The following TRDN variants were observed in gnomAD, a reference collection of about 807,000 sequenced individuals.
TRDN encodes the protein triadin in skeletal muscle.
TRDN carries 161 observed loss-of-function variants against 149.7 expected under a neutral mutation model. The observed-to-expected ratio is 1.08, with a 90% CI of 0.95 to 1.23. The LOEUF (loss-of-function observed/expected upper bound fraction) is 1.23, where lower values mean the gene tolerates loss of function less well. Ranked by LOEUF, TRDN falls within the 50% of genes most tolerant of loss-of-function variation. The pLI, the probability that TRDN is intolerant of heterozygous loss-of-function variation, is 0.00. For synonymous variants in TRDN, 294 were observed against 250.5 expected (o/e 1.17, Z -1.64); for missense variants, 896 against 823.5 (o/e 1.09, Z -1.08).
chr6:123,466,128 T>A (rs138851069), intron 9 of TRDN, among the ~76,000 whole-genome samples: 1 of 152,308 alleles, frequency 6.6e-6, no homozygotes, highest in East Asian at 1.9e-4. Flanking sequence ...ACAGGCCGTA[T>A]GTCTAGAAAA....
chr6:123,391,907 A>G (rs918303144), intron 13 of TRDN, among the ~76,000 whole-genome samples: 2 of 152,102 alleles, frequency 1.3e-5, no homozygotes, highest in African/African-American at 4.8e-5. Flanking sequence ...TTAATTATTT[A>G]TATGCATAAT....
chr6:123,274,158 T>A (rs966337292), intron 27 of TRDN, among the ~76,000 whole-genome samples: 1 of 152,124 alleles, frequency 6.6e-6, no homozygotes, highest in East Asian at 1.9e-4. Context: ...CTGTTTCTCA[T>A]AATGATATGA....
At chr6:123,583,507 C>T (rs548749233) in intron 1 of TRDN, among the ~76,000 whole-genome samples, 1 of 151,358 alleles carries the variant, frequency 6.6e-6, no homozygotes, top group Non-Finnish European at 1.5e-5. Context: ...TTTTAAAAGA[C>T]CTTTAGTCTG....
chr6:123,233,771 T>A (rs1357800862), intron 38 of TRDN, among the ~76,000 whole-genome samples: 1 of 152,092 alleles, frequency 6.6e-6, no homozygotes, highest in African/African-American at 2.4e-5. Flanking sequence ...GAGATTGTTT[T>A]AAATCCAAGC....
intron 2 of TRDN, among the ~76,000 whole-genome samples, chr6:123,555,981 T>C (rs1013276474): frequency 9.9e-5 from 15 of 152,070 alleles, no homozygotes; most frequent in Non-Finnish European, 1.9e-4. Context: ...TGCTGTAAAA[T>C]TTTCTTGAAA....
intron 10 of TRDN, among the ~76,000 whole-genome samples, chr6:123,451,972 C>T (rs1401628557): frequency 6.6e-6 from 1 of 152,062 alleles, no homozygotes. Context: ...CAATACACCA[C>T]ATAAACAGAA....
At chr6:123,265,221 C>G in intron 33 of TRDN, 97 bp downstream of exon 33, 1 of 944,348 alleles carries the variant, frequency 1.1e-6, no homozygotes, top group South Asian at 1.7e-5. Flanking sequence ...CATTAACAAA[C>G]AGACCATACT....
At chr6:123,258,209 T>C (rs1172448152) in intron 35 of TRDN, among the ~76,000 whole-genome samples, 1 of 152,212 alleles carries the variant, frequency 6.6e-6, no homozygotes, top group Non-Finnish European at 1.5e-5. Context: ...CCTTGTCTTT[T>C]GTCGGCTTTC....
chr6:123,511,292 A>G (rs1447796044), intron 7 of TRDN, among the ~76,000 whole-genome samples: 1 of 152,138 alleles, frequency 6.6e-6, no homozygotes, highest in African/African-American at 2.4e-5. Flanking sequence ...TATAGTTAAC[A>G]ATAATTTATT....
intron 12 of TRDN, among the ~76,000 whole-genome samples, chr6:123,426,461 A>G (rs1401331039): frequency 6.6e-6 from 1 of 152,168 alleles, no homozygotes; most frequent in Non-Finnish European, 1.5e-5. Flanking sequence ...TAGTGGAGCA[A>G]TAGTAAGTAG....
chr6:123,412,362 A>C (rs1385661389), intron 12 of TRDN, among the ~76,000 whole-genome samples: 1 of 152,238 alleles, frequency 6.6e-6, no homozygotes, highest in Non-Finnish European at 1.5e-5. Context: ...AAATAATTTA[A>C]AGTTAAATAA....
chr6:123,255,448 A>C (rs765441361), intron 36 of TRDN, among the ~76,000 whole-genome samples: 11 of 152,156 alleles, frequency 7.2e-5, no homozygotes, highest in African/African-American at 1.4e-4. Context: ...TATGTCTAAG[A>C]ATGCTTTCCT....
At chr6:123,569,848 G>A (rs556764113) in intron 2 of TRDN, among the ~76,000 whole-genome samples, 1 of 152,298 alleles carries the variant, frequency 6.6e-6, no homozygotes, top group Non-Finnish European at 1.5e-5. Context: ...CCTCCTGCTA[G>A]GCCCATGTCC....
intron 38 of TRDN, among the ~76,000 whole-genome samples, chr6:123,239,494 T>C (rs1740620193): frequency 6.6e-6 from 1 of 152,132 alleles, no homozygotes; most frequent in South Asian, 2.1e-4. Context: ...GAAACTAATA[T>C]ATTAGTTCAC....
chr6:123,236,234 G>T (rs1775782786), intron 38 of TRDN, among the ~76,000 whole-genome samples: 1 of 152,066 alleles, frequency 6.6e-6, no homozygotes, highest in Non-Finnish European at 1.5e-5. Context: ...TATAATGGTG[G>T]CTTAGCTTGC....
At chr6:123,397,957 G>T (rs936060731) in intron 12 of TRDN, among the ~76,000 whole-genome samples, 2 of 152,142 alleles carry the variant, frequency 1.3e-5, no homozygotes, top group East Asian at 3.9e-4. Context: ...CTTTAAAGCT[G>T]TCTCTTGCTA....
At chr6:123,438,275 C>A (rs1003253216) in intron 11 of TRDN, 153 bp from the exon 12 acceptor site, 5 of 596,062 alleles carry the variant, frequency 8.4e-6, no homozygotes, top group African/African-American at 8.0e-5. Flanking sequence ...AAGGTAGCAC[C>A]TTCATAACAG....
chr6:123,478,724 A>C (rs934610200), intron 9 of TRDN, among the ~76,000 whole-genome samples: 7 of 152,288 alleles, frequency 4.6e-5, no homozygotes, highest in East Asian at 1.9e-4. Flanking sequence ...CATCCAGTGA[A>C]ATGTTCAATA....
intron 21 of TRDN, among the ~76,000 whole-genome samples, chr6:123,338,994 G>A (rs866322358): frequency 6.6e-6 from 1 of 151,974 alleles, no homozygotes; most frequent in Non-Finnish European, 1.5e-5. Flanking sequence ...ATAACTGTAA[G>A]TAGATGTATT....
Sources: allele counts gnomAD v4.1 joint callset (sites outside exome capture counted in the v4.1 genomes callset), GRCh38; gene constraint gnomAD v4.1.1; transcripts MANE v1.5; gene names NCBI Gene and HGNC (gene_info 2026-07-23, HGNC 2026-07-21).